The following C4orf36 variants were observed in gnomAD, a reference collection of about 807,000 sequenced individuals.
The protein encoded by C4orf36 is uncharacterized protein C4orf36.
In C4orf36, 11 loss-of-function variants were observed where a neutral mutation model predicts 12.2. The ratio of observed to expected loss-of-function variants is 0.90; its 90% CI spans 0.57 to 1.49. The LOEUF is 1.49. Ranked by LOEUF, C4orf36 falls within the 40% of genes most tolerant of loss-of-function variation. The probability of loss-of-function intolerance (pLI) is 0.00; values close to 1 mark genes in which losing one functional copy is unlikely to be tolerated. For missense variants in C4orf36, 137 were observed against 133.9 expected (o/e 1.02, Z -0.11); for synonymous variants, 54 against 51.3 (o/e 1.05, Z -0.22).
chr4:86,935,282 G>T, the C4orf36 span: 1 of 152,420 alleles, frequency 6.6e-6, no homozygotes, highest in African/African-American at 2.4e-5. Flanking sequence ...GGGTCGATCC[G>T]CCCGGCCCCC....
At chr4:86,895,648 A>G (rs1367318854), upstream of C4orf36, among the ~76,000 whole-genome samples, 1 of 152,238 alleles carries the variant, frequency 6.6e-6, no homozygotes, top group East Asian at 1.9e-4. Context: ...GATGTCCAAA[A>G]GAGATCTGGT....
At chr4:86,902,280 T>C in the C4orf36 span, among the ~76,000 whole-genome samples, 1 of 151,748 alleles carries the variant, frequency 6.6e-6, no homozygotes, top group Non-Finnish European at 1.5e-5. Flanking sequence ...AAAAATTAGC[T>C]GGGCATGGTG....
the C4orf36 span, among the ~76,000 whole-genome samples, chr4:86,929,875 G>T: frequency 3.3e-5 from 5 of 152,322 alleles, no homozygotes; most frequent in Admixed American, 3.3e-4. Flanking sequence ...GTCTATAATG[G>T]CACCATTAAC....
the C4orf36 span, chr4:86,925,198 A>C: frequency 1.3e-5 from 2 of 152,194 alleles, no homozygotes; most frequent in African/African-American, 2.4e-5. Flanking sequence ...GGGCAGGGAC[A>C]TATATCCAAA....
the C4orf36 span, among the ~76,000 whole-genome samples, chr4:86,911,924 G>A: frequency 5.3e-5 from 8 of 152,182 alleles, no homozygotes; most frequent in Non-Finnish European, 1.2e-4. Flanking sequence ...GCAATGGCGT[G>A]ATCTTGGCTC....
chr4:86,900,275 C>T, the C4orf36 span, among the ~76,000 whole-genome samples: 1 of 152,092 alleles, frequency 6.6e-6, no homozygotes, highest in Non-Finnish European at 1.5e-5. Flanking sequence ...TCAAATGATC[C>T]ACCCACCTCA....
the C4orf36 span, among the ~76,000 whole-genome samples, chr4:86,902,500 G>A: frequency 6.8e-6 from 1 of 147,882 alleles, no homozygotes; most frequent in Non-Finnish European, 1.5e-5. Flanking sequence ...CTCCAAAAAA[G>A]CACCAATACT....
the C4orf36 span, among the ~76,000 whole-genome samples, chr4:86,931,606 C>G: frequency 6.6e-6 from 1 of 152,154 alleles, no homozygotes; most frequent in African/African-American, 2.4e-5. Context: ...ACTACGTTGC[C>G]TAGGCTGGTC....
the C4orf36 span, among the ~76,000 whole-genome samples, chr4:86,903,412 G>A: frequency 6.6e-6 from 1 of 152,218 alleles, no homozygotes; most frequent in Non-Finnish European, 1.5e-5. Flanking sequence ...CCCGTAATCA[G>A]TCGGTTCTTG....
the C4orf36 span, among the ~76,000 whole-genome samples, chr4:86,929,338 G>A: frequency 6.6e-6 from 1 of 152,130 alleles, no homozygotes. Context: ...TATGACTGTG[G>A]CCTTTTTTTA....
chr4:86,887,504 A>G, intron 4 of C4orf36: 1 of 358,760 alleles, frequency 2.8e-6, no homozygotes, highest in African/African-American at 2.1e-5. Flanking sequence ...AATTAAAATG[A>G]ATAGCACAAA....
the C4orf36 span, among the ~76,000 whole-genome samples, chr4:86,916,365 CAAAAAAA>C: frequency 3.1e-5 from 3 of 95,866 alleles, no homozygotes; most frequent in African/African-American, 4.4e-5. Flanking sequence ...TATGTGGATG[CAAAAAAA>C]AAAAAAAAAA....
intron 4 of C4orf36, among the ~76,000 whole-genome samples, chr4:86,878,569 T>A (rs1344355935): frequency 6.6e-6 from 1 of 152,160 alleles, no homozygotes; most frequent in Non-Finnish European, 1.5e-5. Context: ...GTAGGAAAAT[T>A]CATGGCATTT....
upstream of C4orf36, among the ~76,000 whole-genome samples, chr4:86,893,355 G>T (rs1295716324): frequency 6.6e-6 from 1 of 152,186 alleles, no homozygotes; most frequent in African/African-American, 2.4e-5. Context: ...AGGCCGAGAG[G>T]GGCAGATCAC....
upstream of C4orf36, among the ~76,000 whole-genome samples, chr4:86,897,409 T>C (rs1413419320): frequency 6.6e-6 from 1 of 152,074 alleles, no homozygotes; most frequent in Non-Finnish European, 1.5e-5. Context: ...AAGTGACTTG[T>C]TTATGATTAC....
chr4:86,897,456 G>C, the C4orf36 span, among the ~76,000 whole-genome samples: 1 of 152,144 alleles, frequency 6.6e-6, no homozygotes, highest in African/African-American at 2.4e-5. Context: ...TTGAACCCAG[G>C]TCAGTTTTAC....
intron 4 of C4orf36, among the ~76,000 whole-genome samples, chr4:86,884,545 G>C (rs895192001): frequency 7.9e-5 from 12 of 151,864 alleles, no homozygotes; most frequent in Admixed American, 1.3e-4. Context: ...GCCCAAGCGA[G>C]TCTCCCACCT....
At chr4:86,882,368 G>T (rs1226598624) in intron 4 of C4orf36, among the ~76,000 whole-genome samples, 1 of 152,084 alleles carries the variant, frequency 6.6e-6, no homozygotes, top group Non-Finnish European at 1.5e-5. Flanking sequence ...TGAGAGACCA[G>T]AACAGATGCC....
the C4orf36 span, among the ~76,000 whole-genome samples, chr4:86,917,738 C>G: frequency 6.6e-6 from 1 of 152,228 alleles, no homozygotes; most frequent in Non-Finnish European, 1.5e-5. Flanking sequence ...TCACTGTGAA[C>G]ATCTTAGACT....
Sources: allele counts gnomAD v4.1 joint callset (sites outside exome capture counted in the v4.1 genomes callset), GRCh38; gene constraint gnomAD v4.1.1; transcripts MANE v1.5; gene names NCBI Gene and HGNC (gene_info 2026-07-23, HGNC 2026-07-21).